Variants in MAP3K1 observed in about 807,000 individuals in gnomAD.
The protein encoded by MAP3K1 is mitogen-activated protein kinase kinase kinase 1.
MAP3K1 carries 36 observed loss-of-function variants against 144.2 expected under a neutral mutation model. The ratio of observed to expected loss-of-function variants is 0.25; its 90% CI spans 0.19 to 0.33. The LOEUF (loss-of-function observed/expected upper bound fraction) is 0.33, where lower values mean the gene tolerates loss of function less well. Among genes scored for constraint, MAP3K1 ranks in the 10% least tolerant of loss-of-function variants. The pLI is 1.00. For missense variants in MAP3K1, 1,650 were observed against 1,881.9 expected (o/e 0.88, Z 2.28); for synonymous variants, 718 against 688.7 (o/e 1.04, Z -0.67).
chr5:56,859,897 A>C lies in MAP3K1; in HGVS notation c.816A>C (p.Lys272Asn). Residue 272 changes from lysine (K) to asparagine (N), a missense_variant, in exon 3 of 20, where the codon AAA becomes AAC. Lys to Asn is a moderately conservative substitution (Grantham distance 94). This residue lies in a region of MAP3K1 where 148 missense variants were observed against 177.2 expected (regional missense o/e 0.84). Transcript: ENST00000399503. Reference sequence around the variant, plus strand: ...CAGAATCTCCAGGAGTAAGGAGAAAAAGAGTTTCCCCAGTGCCTGTAAGTT... The same window carrying C: ...CAGAATCTCCAGGAGTAAGGAGAAACAGAGTTTCCCCAGTGCCTGTAAGTT... ...VKSESPGVRR[K>N]RVSPVPFQSG... is the part of the protein sequence containing the mutation. The C allele has an allele frequency of 6.2e-7, 1 of 1,612,766 alleles. No homozygotes were observed. Among genetic ancestry groups the C allele is most frequent in the South Asian group, 1.1e-5 (1 of 90,710 alleles).
At chr5:56,818,814 CTTG>C (rs1339329288) in intron 1 of MAP3K1, among the ~76,000 whole-genome samples, 1 of 152,158 alleles carries the variant, frequency 6.6e-6, no homozygotes, top group Non-Finnish European at 1.5e-5. Flanking sequence ...ATATGCTGTA[CTTG>C]TTAATGTTAG....
intron 1 of MAP3K1, among the ~76,000 whole-genome samples, chr5:56,831,160 C>T (rs541958761): frequency 4.7e-5 from 7 of 148,700 alleles, no homozygotes; most frequent in Non-Finnish European, 7.4e-5. Flanking sequence ...TTTTTTAACC[C>T]GTGAAAATGG....
In MAP3K1 at chr5:56,878,963, C is replaced by T. The variant is rs1199099777; in HGVS notation, c.1966-17C>T. 2.5e-6 allele frequency: 4 copies of T among 1,613,324 alleles called. No homozygotes were observed. The African/African-American group carries it at 5.3e-5, about 22-fold the overall frequency. On this transcript the variant is annotated splice_polypyrimidine_tract_variant and intron_variant, in intron 10 of 19. Coordinates refer to ENST00000399503, the MANE Select transcript of MAP3K1 (RefSeq NM_005921.2). ...TTTTAAGTGTACATAAACTGACCTTCAGATTTTTTTCCTTAGAAAACATTG... is the reference window on the plus strand; with the variant it reads ...TTTTAAGTGTACATAAACTGACCTTTAGATTTTTTTCCTTAGAAAACATTG...
At chr5:56,857,923 A>G (rs1747387995) in intron 2 of MAP3K1, among the ~76,000 whole-genome samples, 1 of 152,212 alleles carries the variant, frequency 6.6e-6, no homozygotes, top group Non-Finnish European at 1.5e-5. Flanking sequence ...TTTCCATACC[A>G]GCACTTGGTA....
Position 56,882,437 on chromosome 5 carries a change from T to C in MAP3K1, c.3237T>C (p.Asn1079=), listed in dbSNP as rs1340140829. 1.9e-6 allele frequency: 3 copies of C among 1,613,998 alleles called. No homozygotes were observed. The highest frequency in any genetic ancestry group is 2.5e-6 in the Non-Finnish European group (3 of 1,180,020). The change falls in exon 14 of 20, where the codon AAT becomes AAC. Residue 1079 remains asparagine (N), a synonymous_variant. Transcript: ENST00000399503. ...GTAAACAGGGAGATCCCTCAAAAAA[T>C]AGCATGACACTTGATCTGAACAGTA... is the stretch of plus-strand genomic sequence containing the variant. ...NTSKQGDPSK[N]SMTLDLNSSS... is the part of the protein sequence containing the mutation.
intron 2 of MAP3K1, among the ~76,000 whole-genome samples, chr5:56,859,125 C>G (rs1413248716): frequency 6.8e-6 from 1 of 146,916 alleles, no homozygotes; most frequent in Non-Finnish European, 1.5e-5. Context: ...AGAAATTGAT[C>G]TTTAAACTTC....
At chr5:56,886,647 C>G (rs1316692154) in intron 17 of MAP3K1, among the ~76,000 whole-genome samples, 1 of 152,212 alleles carries the variant, frequency 6.6e-6, no homozygotes, top group Non-Finnish European at 1.5e-5. Flanking sequence ...TCATGATACG[C>G]TGACTCCCAG....
intron 15 of MAP3K1, 63 bp from the exon 16 acceptor site, chr5:56,884,601 C>G (rs1039018576): frequency 1.1e-5 from 16 of 1,514,340 alleles, no homozygotes; most frequent in African/African-American, 6.9e-5. Flanking sequence ...TGCATTTGTT[C>G]ATTTTAGATC....
At chr5:56,826,824 A>G (rs1304842756) in intron 1 of MAP3K1, among the ~76,000 whole-genome samples, 1 of 152,244 alleles carries the variant, frequency 6.6e-6, no homozygotes, top group Non-Finnish European at 1.5e-5. Flanking sequence ...GGAGATGTCC[A>G]TGCCTTCAAG....
At chr5:56,841,899 G>A (rs1180541696) in intron 1 of MAP3K1, 1 of 152,198 alleles carries the variant, frequency 6.6e-6, no homozygotes, top group Non-Finnish European at 1.5e-5. Context: ...TTCCCACAGT[G>A]TGGAGTAGTA....
chr5:56,857,539 G>T lies in MAP3K1; in HGVS notation c.633+789G>T, dbSNP rs74348912. Among the ~76,000 whole-genome samples the T allele has an allele frequency of 1.9e-3, 284 of 152,104 alleles. 5 individuals carry two copies. In the East Asian group the frequency reaches 0.047, roughly 25 times the overall value. ...TAAAATTCATCTAAGCTTTGACAAGGGTCTAAATACACCCCTGCCAAGTGA... is the reference window on the plus strand; with the variant it reads ...TAAAATTCATCTAAGCTTTGACAAGTGTCTAAATACACCCCTGCCAAGTGA... On this transcript the variant is annotated intron_variant, in intron 2 of 19. Coordinates refer to ENST00000399503, the MANE Select transcript of MAP3K1 (RefSeq NM_005921.2).
At chr5:56,819,989 T>G (rs1236383481) in intron 1 of MAP3K1, among the ~76,000 whole-genome samples, 2 of 152,192 alleles carry the variant, frequency 1.3e-5, no homozygotes, top group African/African-American at 4.8e-5. Context: ...AATGGTTCAT[T>G]GCAAAGCATG....
chr5:56,847,609 A>G (rs562428713), intron 1 of MAP3K1, among the ~76,000 whole-genome samples: 13 of 152,342 alleles, frequency 8.5e-5, no homozygotes, highest in African/African-American at 3.1e-4. Context: ...AAAAAAAGTA[A>G]CACTTTTCCT....
intron 1 of MAP3K1, among the ~76,000 whole-genome samples, chr5:56,835,720 A>T (rs1746633968): frequency 6.6e-6 from 1 of 151,960 alleles, no homozygotes; most frequent in African/African-American, 2.4e-5. Context: ...TTTTAAGATA[A>T]AAAGGGGGGG....
intron 19 of MAP3K1, among the ~76,000 whole-genome samples, chr5:56,890,433 C>T (rs1194309729): frequency 1.3e-5 from 2 of 152,160 alleles, no homozygotes; most frequent in Admixed American, 1.3e-4. Flanking sequence ...TTTTTGGAAG[C>T]ACCCCAAAGC....
chr5:56,816,101 A>T, intron 1 of MAP3K1, 46 bp downstream of exon 1: 1 of 1,190,888 alleles, frequency 8.4e-7, no homozygotes. Flanking sequence ...GAGAGCGGGC[A>T]GAGGGCAATG....
At chr5:56,873,071 C>T (rs1318724509) in intron 9 of MAP3K1, 66 bp downstream of exon 9, 19 of 1,420,150 alleles carry the variant, frequency 1.3e-5, no homozygotes, top group Non-Finnish European at 1.8e-5. Context: ...TATTTGTCTC[C>T]TTCCCTCAGT....
At chr5:56,875,764 AT>A (rs1748006202) in intron 10 of MAP3K1, among the ~76,000 whole-genome samples, 1 of 152,146 alleles carries the variant, frequency 6.6e-6, no homozygotes. Flanking sequence ...ATTTTTAAAG[AT>A]TTTTTTAATG....
At chr5:56,826,606 G>A (rs1410282538) in intron 1 of MAP3K1, among the ~76,000 whole-genome samples, 7 of 152,256 alleles carry the variant, frequency 4.6e-5, no homozygotes, top group Non-Finnish European at 1.0e-4. Context: ...TGATGACGAT[G>A]TAAGCATCAC....
Sources: allele counts gnomAD v4.1 joint callset (sites outside exome capture counted in the v4.1 genomes callset), GRCh38; gene constraint gnomAD v4.1.1; regional missense constraint gnomAD v4.1.1; transcripts MANE v1.5; gene names NCBI Gene and HGNC (gene_info 2026-07-23, HGNC 2026-07-21).